RP1: variants seen among roughly 807,000 people sequenced by gnomAD.
The protein encoded by RP1 is RP1 axonemal microtubule associated.
In RP1, 16 loss-of-function variants were observed where a neutral mutation model predicts 14.8. The observed-to-expected ratio is 1.08, with a 90% confidence interval of 0.73 to 1.65. The LOEUF (loss-of-function observed/expected upper bound fraction) is 1.65, where lower values mean the gene tolerates loss of function less well. Among genes scored for constraint, RP1 ranks in the 40% most tolerant of loss-of-function variants. RP1 has a pLI of 0.00. For missense variants in RP1, 2,631 were observed against 2,535.0 expected (o/e 1.04, Z -0.81); for synonymous variants, 876 against 883.6 (o/e 0.99, Z 0.15).
chr8:54,808,851 G>T (rs1402444059), intron 24 of RP1, among the ~76,000 whole-genome samples: 1 of 152,074 alleles, frequency 6.6e-6, no homozygotes, highest in Non-Finnish European at 1.5e-5. Flanking sequence ...GCCCTTGATG[G>T]CCACACCCCG....
chr8:54,726,744 C>T (rs57989917), intron 17 of RP1, among the ~76,000 whole-genome samples: 1 of 151,026 alleles, frequency 6.6e-6, no homozygotes, highest in South Asian at 2.1e-4. Context: ...ATTATAACAT[C>T]AATTGGACTA....
At chr8:54,825,584 C>G (rs1811369887) in intron 24 of RP1, among the ~76,000 whole-genome samples, 1 of 152,174 alleles carries the variant, frequency 6.6e-6, no homozygotes, top group South Asian at 2.1e-4. Context: ...ACAACTCTTA[C>G]CTGTTAGGTG....
At chr8:54,798,443 A>G (rs1186630401) in intron 24 of RP1, among the ~76,000 whole-genome samples, 2 of 152,204 alleles carry the variant, frequency 1.3e-5, no homozygotes, top group Non-Finnish European at 2.9e-5. Flanking sequence ...ACATTAAGGA[A>G]ACAAGGAAAA....
At chr8:54,675,884 T>A (rs1046150188) in intron 8 of RP1, among the ~76,000 whole-genome samples, 4 of 152,152 alleles carry the variant, frequency 2.6e-5, no homozygotes, top group Admixed American at 1.3e-4. Flanking sequence ...GGGCAATTTA[T>A]AAAGAAGAAA....
chr8:54,693,545 G>A (rs1169454469), intron 12 of RP1, among the ~76,000 whole-genome samples: 1 of 152,148 alleles, frequency 6.6e-6, no homozygotes, highest in East Asian at 1.9e-4. Flanking sequence ...TCCCTTGTAA[G>A]TTGAATTCCT....
chr8:54,853,910 GAAA>G (rs1414083090), intron 26 of RP1, among the ~76,000 whole-genome samples: 1 of 102,898 alleles, frequency 9.7e-6, no homozygotes, highest in African/African-American at 3.7e-5. Context: ...GAAAGAAAGA[GAAA>G]AAAGAAAAAA....
intron 1 of RP1, among the ~76,000 whole-genome samples, chr8:54,571,802 T>C (rs1804529649): frequency 6.6e-6 from 1 of 152,160 alleles, no homozygotes; most frequent in South Asian, 2.1e-4. Context: ...CTGGCCTTTT[T>C]TTTAGCATTT....
chr8:54,749,506 C>T (rs1483784288), intron 19 of RP1, among the ~76,000 whole-genome samples: 1 of 152,066 alleles, frequency 6.6e-6, no homozygotes, highest in Non-Finnish European at 1.5e-5. Flanking sequence ...TCCTTCTGAC[C>T]CACTGGACCT....
intron 12 of RP1, chr8:54,680,058 C>T: frequency 8.1e-7 from 1 of 1,229,408 alleles, no homozygotes; most frequent in Non-Finnish European, 1.1e-6. Context: ...AAGTGTTAGG[C>T]CATTTAAATA....
intron 23 of RP1, among the ~76,000 whole-genome samples, chr8:54,781,782 C>T (rs900555835): frequency 3.3e-5 from 5 of 152,020 alleles, no homozygotes; most frequent in Non-Finnish European, 7.4e-5. Context: ...CTTAGGAAAA[C>T]TTGAAAGTGA....
chr8:54,579,848 G>A (rs370882467), intron 1 of RP1, among the ~76,000 whole-genome samples: 1 of 152,166 alleles, frequency 6.6e-6, no homozygotes, highest in Non-Finnish European at 1.5e-5. Flanking sequence ...CTCAGAATCA[G>A]CCTGCACACG....
chr8:54,819,070 T>G (rs1811197448), intron 24 of RP1, among the ~76,000 whole-genome samples: 1 of 152,108 alleles, frequency 6.6e-6, no homozygotes, highest in Non-Finnish European at 1.5e-5. Flanking sequence ...TCTCTCTCTC[T>G]CTCTTCCTCC....
At chr8:54,817,888 G>A (rs1276685117) in intron 24 of RP1, among the ~76,000 whole-genome samples, 1 of 152,140 alleles carries the variant, frequency 6.6e-6, no homozygotes, top group East Asian at 1.9e-4. Context: ...AGCAGAGAAA[G>A]TCATAATTAA....
intron 17 of RP1, among the ~76,000 whole-genome samples, chr8:54,734,082 C>G (rs1808855683): frequency 1.3e-5 from 2 of 152,120 alleles, no homozygotes; most frequent in South Asian, 4.1e-4. Context: ...TTAATTTTTT[C>G]AGAAATATTT....
chr8:54,784,656 C>T (rs1006838199), intron 24 of RP1, among the ~76,000 whole-genome samples: 1 of 152,094 alleles, frequency 6.6e-6, no homozygotes, highest in Non-Finnish European at 1.5e-5. Flanking sequence ...ATTTACATAG[C>T]ACATTGCCTC....
chr8:54,698,609 T>C lies in RP1; in HGVS notation c.1718-858T>C, dbSNP rs1354533993. On this transcript the variant is annotated intron_variant, in intron 12 of 22. Coordinates refer to the RP1 transcript ENST00000636932. ...CACACGTATGTTTATTGCAGCACTGTTCACAATAGCAAAGTCTTGGAACCA... is the reference window on the plus strand; with the variant it reads ...CACACGTATGTTTATTGCAGCACTGCTCACAATAGCAAAGTCTTGGAACCA... Among the ~76,000 whole-genome samples, 5 of 152,164 alleles carry C rather than the reference T, an allele frequency of 3.3e-5. No individual in the cohort carries two copies. The East Asian group carries it at 9.6e-4, about 29-fold the overall frequency.
chr8:54,777,446 G>T (rs182296943), intron 23 of RP1, among the ~76,000 whole-genome samples: 1 of 152,170 alleles, frequency 6.6e-6, no homozygotes, highest in Non-Finnish European at 1.5e-5. Flanking sequence ...TTTGATGGTT[G>T]TTTTCTGGAC....
exon 16 of RP1, chr8:54,720,179 T>G: frequency 6.5e-7 from 1 of 1,535,678 alleles, no homozygotes; most frequent in Non-Finnish European, 8.7e-7. Flanking sequence ...ACTTGAAGAA[T>G]GCATCCATAA....
exon 29 of RP1, chr8:54,870,432 T>C (rs1235757095): frequency 2.0e-5 from 3 of 152,196 alleles, no homozygotes; most frequent in Non-Finnish European, 4.4e-5. Context: ...CAATGGTATG[T>C]CTCTCTCAGA....
Sources: gnomAD v4.1 joint callset for allele counts (sites outside exome capture counted in the v4.1 genomes callset) on GRCh38, gnomAD v4.1.1 for gene constraint, MANE v1.5 for transcripts, NCBI Gene and HGNC (gene_info 2026-07-23, HGNC 2026-07-21) for gene names.